The following EPS15L1 variants were observed in gnomAD, a reference collection of about 807,000 sequenced individuals.
EPS15L1 encodes epidermal growth factor receptor substrate 15-like 1.
Under a neutral mutation model 117.1 loss-of-function variants are expected in EPS15L1, and 43 were observed. That is an observed-to-expected ratio of 0.37 (90% CI 0.29 to 0.47). The LOEUF (loss-of-function observed/expected upper bound fraction) is 0.47. Ranked by LOEUF, EPS15L1 falls within the 20% of genes least tolerant of loss-of-function variation. The pLI is 0.99. For missense variants in EPS15L1, 981 were observed against 1,164.0 expected, an observed-to-expected ratio of 0.84 and a Z score of 2.29; for synonymous variants, 459 against 470.5, an observed-to-expected ratio of 0.98 and a Z score of 0.32.
chr19:16,399,165 CTTCCCCTTCCAA>C (rs1407790003), intron 16 of EPS15L1, among the ~76,000 whole-genome samples: 2 of 152,194 alleles, frequency 1.3e-5, no homozygotes, highest in African/African-American at 2.4e-5. Context: ...ACAATCACTC[CTTCCCCTTCCAA>C]GGGGAAGCCT....
At chr19:16,385,021 C>A (rs906364853) in intron 21 of EPS15L1, 108 bp downstream of exon 21, 2 of 856,364 alleles carry the variant, frequency 2.3e-6, no homozygotes, top group South Asian at 1.4e-5. Flanking sequence ...TGGAAAGGTG[C>A]CGGGGAGATA....
rs2092059009 is a variant in EPS15L1, at chr19:16,361,902, G to A, written c.2463C>T (p.Ser821=). ...CCTTTTTACTTTGGAACGGGTCGCC[G>A]CTGTCAGCCCCGAGTGGCTGGAATG... ...PDPFQPLGAD[S]GDPFQSKKGF... Residue 821 remains serine (S), a synonymous_variant, in exon 23 of 24, where the codon AGC becomes AGT. Transcript: ENST00000455140. 31 of 1,613,980 alleles carry A rather than the reference G, an allele frequency of 1.9e-5. No individual in the cohort carries two copies. The highest frequency in any genetic ancestry group is 2.3e-5 in the Non-Finnish European group (27 of 1,180,012).
At position 16,370,216 on chromosome 19, in the gene EPS15L1, T is replaced by C. The variant is rs897220336; in HGVS notation, c.2380+6906A>G. On this transcript the variant is annotated intron_variant, in intron 22 of 23. Coordinates refer to ENST00000455140, the MANE Select transcript of EPS15L1 (RefSeq NM_001258374.3). This position sits in a 1 kb window ranked among gnomAD's most constrained non-coding sequence, Gnocchi z 5.2. ...ATGGCCAGATTCCCCATTGCCCGAGTGCATGTGATATTTTGCAGTTAGCAG... is the reference window on the plus strand; with the variant it reads ...ATGGCCAGATTCCCCATTGCCCGAGCGCATGTGATATTTTGCAGTTAGCAG... Among the ~76,000 whole-genome samples, 1 of 152,000 alleles carries C rather than the reference T, an allele frequency of 6.6e-6. No homozygotes were observed. Among genetic ancestry groups the C allele is most frequent in the Admixed American group, 6.5e-5 (1 of 15,274 alleles).
intron 1 of EPS15L1, among the ~76,000 whole-genome samples, chr19:16,460,841 G>A (rs915272556): frequency 6.6e-6 from 1 of 152,172 alleles, no homozygotes; most frequent in Non-Finnish European, 1.5e-5. Context: ...AATTGAGGGG[G>A]ACAGTCCATC....
In EPS15L1 at chr19:16,386,442, A is replaced by G. The variant is rs1425119458; in HGVS notation, c.2104-211T>C. Among the ~76,000 whole-genome samples the G allele has an allele frequency of 4.6e-5, 7 of 152,352 alleles. No homozygotes were observed. The South Asian group carries it at 1.0e-3, about 23-fold the overall frequency. On this transcript the variant is annotated intron_variant, in intron 19 of 23. Coordinates refer to ENST00000455140, the MANE Select transcript of EPS15L1 (RefSeq NM_001258374.3). Reference sequence around the variant, plus strand: ...TATCAACCTGGACGGAATATCCCCAAAATTACAAATACAAAAAGCAGTGGC... The same window carrying G: ...TATCAACCTGGACGGAATATCCCCAGAATTACAAATACAAAAAGCAGTGGC...
intron 8 of EPS15L1, among the ~76,000 whole-genome samples, chr19:16,427,793 C>T (rs2092886713): frequency 6.6e-6 from 1 of 152,124 alleles, no homozygotes; most frequent in African/African-American, 2.4e-5. Flanking sequence ...ACTTGGGAGA[C>T]TGAGGCATGG....
At chr19:16,373,421 T>G (rs954385524) in intron 22 of EPS15L1, among the ~76,000 whole-genome samples, 3 of 151,990 alleles carry the variant, frequency 2.0e-5, no homozygotes, top group Non-Finnish European at 2.9e-5. Flanking sequence ...TTTTTTGGTT[T>G]GTTTGTTTGT....
At chr19:16,462,598 G>T (rs1375947771) in intron 1 of EPS15L1, among the ~76,000 whole-genome samples, 1 of 152,214 alleles carries the variant, frequency 6.6e-6, no homozygotes, top group Non-Finnish European at 1.5e-5. Context: ...AGCCCAGATG[G>T]CGGAAGCTGC....
chr19:16,427,829 G>A (rs531089386), intron 8 of EPS15L1, among the ~76,000 whole-genome samples: 1 of 152,284 alleles, frequency 6.6e-6, no homozygotes, highest in African/African-American at 2.4e-5. Context: ...AGGAGGTGGA[G>A]GCTGCAGTGA....
intron 19 of EPS15L1, among the ~76,000 whole-genome samples, 175 bp from the exon 20 acceptor site, chr19:16,386,406 C>A (rs570190901): frequency 2.2e-4 from 34 of 152,336 alleles, no homozygotes; most frequent in Admixed American, 1.6e-3. Context: ...AACCCTCCTG[C>A]AGATAGCACC....
At chr19:16,420,982 C>T (rs982432897) in intron 10 of EPS15L1, among the ~76,000 whole-genome samples, 1 of 152,260 alleles carries the variant, frequency 6.6e-6, no homozygotes, top group Non-Finnish European at 1.5e-5. Context: ...CTCCCGGAGG[C>T]GGCTGTGACA....
At chr19:16,375,464 A>ATGTG (rs1313788490) in intron 22 of EPS15L1, among the ~76,000 whole-genome samples, 1 of 96,768 alleles carries the variant, frequency 1.0e-5, no homozygotes, top group African/African-American at 3.9e-5. Flanking sequence ...GATTATGCAT[A>ATGTG]TATGTGTGTG....
chr19:16,407,174 G>A (rs996887945), intron 13 of EPS15L1, among the ~76,000 whole-genome samples: 4 of 152,214 alleles, frequency 2.6e-5, no homozygotes, highest in East Asian at 1.9e-4. Flanking sequence ...CCATGTCAGC[G>A]TCTGCAGTGA....
chr19:16,422,094 C>T (rs1344592725), intron 9 of EPS15L1, among the ~76,000 whole-genome samples: 3 of 152,246 alleles, frequency 2.0e-5, no homozygotes, highest in Admixed American at 1.3e-4. Context: ...AACATTCATG[C>T]AGCCCCAACC....
chr19:16,376,506 T>C (rs1443177661), intron 22 of EPS15L1, among the ~76,000 whole-genome samples: 4 of 151,972 alleles, frequency 2.6e-5, no homozygotes, highest in Non-Finnish European at 4.4e-5. Context: ...CTGTAGGAAG[T>C]CCCCTCCTCA....
intron 16 of EPS15L1, chr19:16,401,233 A>C (rs1050143499): frequency 1.0e-6 from 1 of 985,502 alleles, no homozygotes; most frequent in Non-Finnish European, 1.2e-6. Context: ...GAGACAGATG[A>C]GCTCGCCAGC....
chr19:16,375,148 G>A (rs2092278225), intron 22 of EPS15L1, among the ~76,000 whole-genome samples: 2 of 152,046 alleles, frequency 1.3e-5, no homozygotes, highest in Non-Finnish European at 1.5e-5. Context: ...TATAAGCATG[G>A]AGAGTGTGCA....
At chr19:16,412,618 T>A (rs1369204875) in intron 13 of EPS15L1, 2 of 147,124 alleles carry the variant, frequency 1.4e-5, no homozygotes, top group Non-Finnish European at 2.9e-5. Flanking sequence ...TGAGACCCCA[T>A]CTCTATTTGG....
intron 22 of EPS15L1, among the ~76,000 whole-genome samples, chr19:16,368,783 C>A (rs554845155): frequency 6.6e-6 from 1 of 152,256 alleles, no homozygotes; most frequent in Admixed American, 6.5e-5. Flanking sequence ...ACACAGACAC[C>A]TATGCAACTG....
Sources: allele counts gnomAD v4.1 joint callset (sites outside exome capture counted in the v4.1 genomes callset), GRCh38; gene constraint gnomAD v4.1.1; non-coding constraint Gnocchi (gnomAD v3.1); transcripts MANE v1.5; gene names NCBI Gene and HGNC (gene_info 2026-07-23, HGNC 2026-07-21).